The following RBFOX3 variants were observed in gnomAD, a reference collection of about 807,000 sequenced individuals.
The protein encoded by RBFOX3 is RNA binding fox-1 homolog 3.
A neutral mutation model predicts 48.7 loss-of-function variants in RBFOX3; 17 were observed. That is an observed-to-expected ratio of 0.35 (90% confidence interval 0.24 to 0.52). The LOEUF (loss-of-function observed/expected upper bound fraction) is 0.52. RBFOX3 is among the 20% of genes least tolerant of loss of function. The pLI, the probability that RBFOX3 is intolerant of heterozygous loss-of-function variation, is 0.94. For missense variants in RBFOX3, 382 were observed against 497.5 expected (o/e 0.77, Z 2.21); for synonymous variants, 212 against 209.5 (o/e 1.01, Z -0.10).
intron 3 of RBFOX3, among the ~76,000 whole-genome samples, chr17:79,287,327 A>G (rs2072173281): frequency 2.6e-5 from 4 of 152,158 alleles, no homozygotes; most frequent in Admixed American, 2.6e-4. Context: ...CCCCACCCAC[A>G]GGGGGCCCTG....
intron 2 of RBFOX3, among the ~76,000 whole-genome samples, chr17:79,436,069 C>T (rs1555730962): frequency 6.6e-6 from 1 of 152,204 alleles, no homozygotes; most frequent in Non-Finnish European, 1.5e-5. Flanking sequence ...AGCCTCACTT[C>T]CCCAGGCCCA....
At chr17:79,240,161 G>A (rs1427799048) in intron 3 of RBFOX3, among the ~76,000 whole-genome samples, 1 of 152,208 alleles carries the variant, frequency 6.6e-6, no homozygotes, top group Non-Finnish European at 1.5e-5. Flanking sequence ...AACCCTAGCT[G>A]TCTTCTGTCC....
chr17:79,392,721 G>C lies in RBFOX3; in HGVS notation c.-174-84897C>G, dbSNP rs1311227767. Reference sequence around the variant, plus strand: ...CTATGAGCTTGGGTCCTGAGTGAGGGCAACAGCACAGCACAACACCCTCAG... The same window carrying C: ...CTATGAGCTTGGGTCCTGAGTGAGGCCAACAGCACAGCACAACACCCTCAG... On this transcript the variant is annotated intron_variant, in intron 2 of 14. Coordinates refer to ENST00000693108, the MANE Select transcript of RBFOX3 (RefSeq NM_001350451.2). The surrounding 1 kb of genome is among the most constrained non-coding windows in gnomAD (Gnocchi z 5.0). Among the ~76,000 whole-genome samples, 1 of 152,118 alleles carries C rather than the reference G, an allele frequency of 6.6e-6. No individual in the cohort carries two copies. The highest frequency in any genetic ancestry group is 1.5e-5 in the Non-Finnish European group (1 of 68,034).
At chr17:79,184,175 G>A (rs1353525660) in intron 4 of RBFOX3, among the ~76,000 whole-genome samples, 1 of 152,180 alleles carries the variant, frequency 6.6e-6, no homozygotes, top group Non-Finnish European at 1.5e-5. Flanking sequence ...GGCTGCCCAG[G>A]GCTTGGAAAT....
chr17:79,350,429 G>C (rs766150248), intron 2 of RBFOX3, among the ~76,000 whole-genome samples: 1 of 152,210 alleles, frequency 6.6e-6, no homozygotes, highest in Non-Finnish European at 1.5e-5. Flanking sequence ...TGTGACTATA[G>C]GTTCTTAGAG....
chr17:79,500,243 G>A (rs897603772), intron 1 of RBFOX3, among the ~76,000 whole-genome samples: 2 of 143,956 alleles, frequency 1.4e-5, no homozygotes, highest in African/African-American at 2.5e-5. Flanking sequence ...ACCATAAAGA[G>A]AAATGACTTT....
At chr17:79,378,404 C>T (rs571306605) in intron 2 of RBFOX3, among the ~76,000 whole-genome samples, 1 of 152,298 alleles carries the variant, frequency 6.6e-6, no homozygotes, top group South Asian at 2.1e-4. Flanking sequence ...ATGCCCCAGA[C>T]CATAACTTCC....
intron 4 of RBFOX3, among the ~76,000 whole-genome samples, chr17:79,123,905 T>G (rs1419042352): frequency 1.3e-5 from 2 of 151,972 alleles, no homozygotes; most frequent in East Asian, 3.9e-4. Context: ...TACTTACCAT[T>G]CCTCCATGTG....
intron 1 of RBFOX3, among the ~76,000 whole-genome samples, chr17:79,531,625 C>G (rs1206898671): frequency 1.3e-5 from 2 of 152,096 alleles, no homozygotes; most frequent in Non-Finnish European, 2.9e-5. Flanking sequence ...CCTCTAAGGC[C>G]GGTCCCAACA....
intron 1 of RBFOX3, among the ~76,000 whole-genome samples, chr17:79,586,304 G>A (rs2093248404): frequency 6.6e-6 from 1 of 152,208 alleles, no homozygotes; most frequent in Non-Finnish European, 1.5e-5. Context: ...GGAGAAGGAA[G>A]AGCCAGGAGA....
chr17:79,498,401 C>T (rs1310787655), intron 1 of RBFOX3, among the ~76,000 whole-genome samples: 1 of 152,212 alleles, frequency 6.6e-6, no homozygotes, highest in Non-Finnish European at 1.5e-5. Context: ...ACATACCTAC[C>T]CAACCACTCA....
At chr17:79,145,662 C>T (rs1223539009) in intron 4 of RBFOX3, among the ~76,000 whole-genome samples, 7 of 152,224 alleles carry the variant, frequency 4.6e-5, no homozygotes, top group Non-Finnish European at 4.4e-5. Flanking sequence ...ATGGGGCATT[C>T]GCCGCTCTGT....
the RBFOX3 span, among the ~76,000 whole-genome samples, chr17:79,618,604 C>A: frequency 1.1e-4 from 17 of 152,214 alleles, no homozygotes; most frequent in African/African-American, 3.4e-4. Flanking sequence ...AAAGGAGAGG[C>A]GGGCTGCATA....
At chr17:79,528,829 C>T (rs1356274946) in intron 1 of RBFOX3, among the ~76,000 whole-genome samples, 1 of 152,122 alleles carries the variant, frequency 6.6e-6, no homozygotes, top group Non-Finnish European at 1.5e-5. Context: ...CCCTGCGACA[C>T]CCTCCCCTCG....
chr17:79,177,984 G>A (rs576342774), intron 4 of RBFOX3, among the ~76,000 whole-genome samples: 1 of 152,272 alleles, frequency 6.6e-6, no homozygotes, highest in South Asian at 2.1e-4. Context: ...GAGGTCCGAG[G>A]CTGCTGGCTG....
chr17:79,215,403 T>C (rs184401194), intron 4 of RBFOX3, among the ~76,000 whole-genome samples: 283 of 152,346 alleles, frequency 1.9e-3, no homozygotes, highest in Non-Finnish European at 2.6e-3. Context: ...CTCAGACGTG[T>C]GGCCCCTGCT....
At chr17:79,626,095 G>T in the RBFOX3 span, among the ~76,000 whole-genome samples, 6 of 152,088 alleles carry the variant, frequency 3.9e-5, no homozygotes, top group Non-Finnish European at 1.5e-5. Context: ...GGCAGTAAGC[G>T]GCATCCTGTT....
chr17:79,517,183 C>T (rs1325873789), intron 1 of RBFOX3, among the ~76,000 whole-genome samples: 8 of 152,058 alleles, frequency 5.3e-5, no homozygotes, highest in Admixed American at 2.6e-4. Context: ...CAGTGGCTTA[C>T]GTCTGTAATC....
At chr17:79,401,366 G>T (rs2062784074) in intron 2 of RBFOX3, among the ~76,000 whole-genome samples, 1 of 151,946 alleles carries the variant, frequency 6.6e-6, no homozygotes. Context: ...CAAATGGGAA[G>T]ACAAAAAAAT....
Sources: gnomAD v4.1 joint callset for allele counts (sites outside exome capture counted in the v4.1 genomes callset) on GRCh38, gnomAD v4.1.1 for gene constraint, Gnocchi (gnomAD v3.1) non-coding constraint, MANE v1.5 for transcripts, NCBI Gene and HGNC (gene_info 2026-07-23, HGNC 2026-07-21) for gene names.